Variants in THSD4 observed in about 807,000 individuals in gnomAD.
THSD4 encodes thrombospondin type 1 domain containing 4.
THSD4 carries 69 observed loss-of-function variants against 119.0 expected under a neutral mutation model. That is an observed-to-expected ratio of 0.58 (90% CI 0.48 to 0.71). The LOEUF (loss-of-function observed/expected upper bound fraction) is 0.71. Among genes scored for constraint, THSD4 ranks in the 30% least tolerant of loss-of-function variants. THSD4 has a pLI of 0.00. For synonymous variants in THSD4, 524 were observed against 540.4 expected, an observed-to-expected ratio of 0.97 and a Z score of 0.42; for missense variants, 1,393 against 1,391.1, an observed-to-expected ratio of 1.00 and a Z score of -0.02.
At chr15:71,381,120 A>G (rs4777377) in intron 6 of THSD4, among the ~76,000 whole-genome samples, 98,569 of 151,918 alleles carry the variant, frequency 0.65, 32,473 homozygotes, top group East Asian at 0.8. Flanking sequence ...TTCATTATTT[A>G]TATCATTTTG....
At chr15:71,425,262 A>G (rs547415324) in intron 7 of THSD4, among the ~76,000 whole-genome samples, 2 of 152,228 alleles carry the variant, frequency 1.3e-5, no homozygotes, top group Non-Finnish European at 2.9e-5. Context: ...TATCCTGAAG[A>G]TGAAGTTAAT....
Position 71,273,574 on chromosome 15 carries a change from G to A in THSD4, c.1015+16859G>A, listed in dbSNP as rs79387509. Among the ~76,000 whole-genome samples the A allele has an allele frequency of 3.0e-3, 452 of 152,212 alleles. 1 individual carries two copies. Among genetic ancestry groups the A allele is most frequent in the African/African-American group, 0.01 (420 of 41,532 alleles). On this transcript the variant is annotated intron_variant, in intron 6 of 17. Coordinates refer to ENST00000261862, the MANE Select transcript of THSD4 (RefSeq NM_024817.3). ...CACCACAAAGAAATAAGTATGAGGT[G>A]AGGGATACGTTAATTAACCATATTT...
intron 12 of THSD4, among the ~76,000 whole-genome samples, 167 bp downstream of exon 12, chr15:71,745,402 A>G (rs1168952292): frequency 1.3e-5 from 2 of 152,206 alleles, no homozygotes; most frequent in Non-Finnish European, 2.9e-5. Context: ...GTCTTTCAGG[A>G]TGAACTCAGG....
intron 7 of THSD4, among the ~76,000 whole-genome samples, chr15:71,608,249 T>TACACACACAC (rs55892951): frequency 2.0e-3 from 212 of 106,172 alleles, no homozygotes; most frequent in East Asian, 0.011. Context: ...TATATATATA[T>TACACACACAC]ACACACACAC....
At chr15:71,763,090 A>G (rs188801291) in intron 15 of THSD4, among the ~76,000 whole-genome samples, 15 of 152,068 alleles carry the variant, frequency 9.9e-5, no homozygotes, top group Admixed American at 6.5e-4. Context: ...ATTTTTTTTT[A>G]GTAAAAAAAT....
At chr15:71,507,010 ACT>A (rs2048200119) in intron 7 of THSD4, among the ~76,000 whole-genome samples, 2 of 152,178 alleles carry the variant, frequency 1.3e-5, no homozygotes, top group South Asian at 4.1e-4. Context: ...ATACACACAC[ACT>A]CACACACAAC....
intron 7 of THSD4, among the ~76,000 whole-genome samples, chr15:71,512,114 A>G (rs2048292166): frequency 6.6e-6 from 1 of 152,202 alleles, no homozygotes; most frequent in South Asian, 2.1e-4. Context: ...ATCAGGGGGT[A>G]ACCGCCCAGG....
intron 9 of THSD4, chr15:71,729,216 C>T (rs891209364): frequency 1.9e-5 from 3 of 156,808 alleles, no homozygotes; most frequent in African/African-American, 7.2e-5. Flanking sequence ...AGCTGAGAGT[C>T]ACAGTAGAGA....
chr15:71,561,430 A>C (rs2049115136), intron 7 of THSD4, among the ~76,000 whole-genome samples: 1 of 152,194 alleles, frequency 6.6e-6, no homozygotes, highest in South Asian at 2.1e-4. Context: ...CTAATGGAGA[A>C]AGATTCTTTA....
chr15:71,296,168 C>T (rs1596320642), intron 6 of THSD4, among the ~76,000 whole-genome samples: 1 of 152,174 alleles, frequency 6.6e-6, no homozygotes, highest in Non-Finnish European at 1.5e-5. Context: ...TGCGTATATA[C>T]CTAGAAGTGG....
At chr15:71,743,758 A>G (rs529903254) in intron 11 of THSD4, among the ~76,000 whole-genome samples, 1 of 152,366 alleles carries the variant, frequency 6.6e-6, no homozygotes, top group African/African-American at 2.4e-5. Context: ...CAAGTTTCTT[A>G]CTACCCTCTG....
chr15:71,108,041 T>C (rs1024496299), intron 1 of THSD4, among the ~76,000 whole-genome samples: 3 of 152,226 alleles, frequency 2.0e-5, no homozygotes, highest in African/African-American at 2.4e-5. Context: ...ATGCAGCCAA[T>C]GCAGGGCTCC....
At chr15:71,534,065 A>T (rs2048655241) in intron 7 of THSD4, among the ~76,000 whole-genome samples, 1 of 152,126 alleles carries the variant, frequency 6.6e-6, no homozygotes, top group Non-Finnish European at 1.5e-5. Context: ...CCAGCTCACC[A>T]CAGCCTCCTG....
chr15:71,547,282 G>A, intron 7 of THSD4: 5 of 1,481,406 alleles, frequency 3.4e-6, no homozygotes, highest in Non-Finnish European at 4.5e-6. Context: ...GTGAGGGAGA[G>A]CCGAGGGAAC....
chr15:71,215,095 G>A lies in THSD4; in HGVS notation c.160G>A (p.Gly54Arg), dbSNP rs1472450408. 2.3e-6 allele frequency: 3 copies of A among 1,321,480 alleles called. No individual in the cohort carries two copies. Among genetic ancestry groups the A allele is most frequent in the Admixed American group, 4.0e-5 (1 of 25,218 alleles). The allele number at this position is 1,321,480 out of a possible 1,614,324, so 81.9% of individuals were successfully genotyped here. A position where few individuals can be genotyped will look rare whatever the true frequency, so the allele number is the denominator to read the frequency against. Residue 54 changes from glycine (G) to arginine (R), a missense_variant, in exon 4 of 18, where the codon GGA becomes AGA. Coordinates refer to ENST00000261862, the MANE Select transcript of THSD4 (RefSeq NM_024817.3). ...GGACGACGGCGGCGGCGGCGCCCCG[G>A]GAGTGTGGGGCGCCTGGGGCCCCTG... ...PEDDGGGGAPGVWGAWGPWSA... is the reference protein window; with the variant it reads ...PEDDGGGGAPRVWGAWGPWSA...
chr15:71,280,834 C>T (rs764716229), intron 6 of THSD4, among the ~76,000 whole-genome samples: 1 of 152,158 alleles, frequency 6.6e-6, no homozygotes, highest in African/African-American at 2.4e-5. Context: ...CCCAGCATAC[C>T]CGCTGTGAAT....
chr15:71,162,024 T>C (rs889195874), intron 3 of THSD4, among the ~76,000 whole-genome samples: 1 of 152,068 alleles, frequency 6.6e-6, no homozygotes, highest in African/African-American at 2.4e-5. Context: ...ACATTTTTCT[T>C]TCACCCCCCA....
chr15:71,620,449 A>G (rs2050400858), intron 7 of THSD4, among the ~76,000 whole-genome samples: 1 of 151,988 alleles, frequency 6.6e-6, no homozygotes, highest in Non-Finnish European at 1.5e-5. Flanking sequence ...TAATAATAAT[A>G]ACAAAATTCG....
intron 2 of THSD4, chr15:71,147,520 C>G (rs988511996): frequency 2.0e-5 from 3 of 152,190 alleles, no homozygotes; most frequent in African/African-American, 7.2e-5. Context: ...TCTATCCTTC[C>G]ATTCTTTTAT....
Sources: gnomAD v4.1 joint callset for allele counts (sites outside exome capture counted in the v4.1 genomes callset) on GRCh38, gnomAD v4.1.1 for gene constraint, MANE v1.5 for transcripts, NCBI Gene and HGNC (gene_info 2026-07-23, HGNC 2026-07-21) for gene names.